Variants in SPATA9 observed in about 807,000 individuals in gnomAD.
SPATA9 encodes the protein spermatogenesis associated 9, also known as spermatogenesis-associated protein 9.
In SPATA9, 27 loss-of-function variants were observed where a neutral mutation model predicts 25.5. The observed-to-expected ratio is 1.06, with a 90% CI of 0.78 to 1.46. The LOEUF (loss-of-function observed/expected upper bound fraction) is 1.46, where lower values mean the gene tolerates loss of function less well. Among genes scored for constraint, SPATA9 ranks in the 40% most tolerant of loss-of-function variants. The pLI is 0.00. For missense variants in SPATA9, 282 were observed against 297.5 expected (o/e 0.95, Z 0.38); for synonymous variants, 102 against 105.7 (o/e 0.97, Z 0.21).
upstream of SPATA9, among the ~76,000 whole-genome samples, chr5:95,698,984 G>A (rs941595680): frequency 3.3e-5 from 5 of 152,162 alleles, no homozygotes; most frequent in Admixed American, 1.3e-4. Flanking sequence ...AGCACTATGA[G>A]CTGGAACAAA....
the SPATA9 span, among the ~76,000 whole-genome samples, chr5:95,720,514 C>G: frequency 6.6e-6 from 1 of 152,258 alleles, no homozygotes; most frequent in South Asian, 2.1e-4. Context: ...TAATAGTGTA[C>G]AATTTGTGCC....
intron 3 of SPATA9, among the ~76,000 whole-genome samples, chr5:95,666,586 TAGAG>T (rs1387414590): frequency 1.3e-5 from 2 of 152,150 alleles, no homozygotes; most frequent in Non-Finnish European, 2.9e-5. Flanking sequence ...GTAATAATAA[TAGAG>T]AAAGATCAAG....
At chr5:95,694,940 A>C (rs1753978510) in intron 1 of SPATA9, among the ~76,000 whole-genome samples, 1 of 152,212 alleles carries the variant, frequency 6.6e-6, no homozygotes, top group Non-Finnish European at 1.5e-5. Flanking sequence ...AAATCATAAT[A>C]TAATAAAATC....
downstream of SPATA9, chr5:95,656,078 C>G (rs1315863024): frequency 6.2e-7 from 1 of 1,613,462 alleles, no homozygotes; most frequent in Non-Finnish European, 8.5e-7. Flanking sequence ...TAGTTTGCCC[C>G]TGGCATAAAT....
Position 95,682,962 on chromosome 5 carries a change from A to T in SPATA9, c.-108T>A. On this transcript the variant is annotated 5_prime_UTR_variant, in exon 1 of 5. Transcript: ENST00000274432. The stretch of plus-strand genomic sequence containing the variant: ...ATGAGGGTAGCCTTCCACTTGGGAA[A>T]GCCAGCAAGGACAGAACTCACAGCT... 7.2e-7 allele frequency: 1 copy of T among 1,391,968 alleles called. No homozygotes were observed. The highest frequency in any genetic ancestry group is 9.3e-7 in the Non-Finnish European group (1 of 1,069,722). The allele number at this position is 1,391,968 out of a possible 1,614,324, so 86.2% of individuals were successfully genotyped here. A position where few individuals can be genotyped will look rare whatever the true frequency, so the allele number is the denominator to read the frequency against.
chr5:95,658,574 T>C lies in SPATA9; in HGVS notation c.*49A>G. On this transcript the variant is annotated 3_prime_UTR_variant, in exon 5 of 5. Coordinates refer to ENST00000274432, the MANE Select transcript of SPATA9 (RefSeq NM_031952.4). Reference sequence around the variant, plus strand: ...AGACTCTGAGTTTTGTCAGATGAAATGTGCCATTAAATAGATAACTCTTAA... The same window carrying C: ...AGACTCTGAGTTTTGTCAGATGAAACGTGCCATTAAATAGATAACTCTTAA... 6.5e-7 allele frequency: 1 copy of C among 1,543,530 alleles called. No individual in the cohort carries two copies. Among genetic ancestry groups the C allele is most frequent in the Non-Finnish European group, 8.7e-7 (1 of 1,148,436 alleles).
At chr5:95,713,988 C>G in the SPATA9 span, among the ~76,000 whole-genome samples, 1 of 151,998 alleles carries the variant, frequency 6.6e-6, no homozygotes, top group African/African-American at 2.4e-5. Flanking sequence ...TTTAAAGTCT[C>G]TTGGGACTTC....
At chr5:95,654,863 G>T (rs1750637946), downstream of SPATA9, among the ~76,000 whole-genome samples, 1 of 151,332 alleles carries the variant, frequency 6.6e-6, no homozygotes, top group Admixed American at 6.6e-5. Context: ...TATACACTGT[G>T]CATAATTTGA....
chr5:95,698,129 T>C (rs971034361), intron 1 of SPATA9, among the ~76,000 whole-genome samples: 3 of 152,212 alleles, frequency 2.0e-5, no homozygotes, highest in Non-Finnish European at 4.4e-5. Context: ...ATAGAGTGCT[T>C]GGGACTTTCA....
At chr5:95,668,679 T>C (rs968371673) in intron 3 of SPATA9, among the ~76,000 whole-genome samples, 3 of 152,236 alleles carry the variant, frequency 2.0e-5, no homozygotes, top group Admixed American at 2.0e-4. Context: ...AATTTGGTTA[T>C]GTAAAACATG....
the SPATA9 span, among the ~76,000 whole-genome samples, chr5:95,718,472 C>T: frequency 6.6e-6 from 1 of 152,106 alleles, no homozygotes; most frequent in Non-Finnish European, 1.5e-5. Flanking sequence ...AGGGAAGTTC[C>T]CCAGCTGATG....
intron 3 of SPATA9, among the ~76,000 whole-genome samples, chr5:95,671,764 A>G (rs1752402161): frequency 6.6e-6 from 1 of 152,180 alleles, no homozygotes; most frequent in South Asian, 2.1e-4. Context: ...AATAAATTTA[A>G]TCATCTTAAA....
chr5:95,726,337 T>G, the SPATA9 span, among the ~76,000 whole-genome samples: 1 of 152,246 alleles, frequency 6.6e-6, no homozygotes, highest in Admixed American at 6.5e-5. Context: ...CAGAAGAGAC[T>G]TTGTAGCATT....
At position 95,676,574 on chromosome 5, in the gene SPATA9, T is replaced by C. The variant is rs560724481; in HGVS notation, c.151-935A>G. On this transcript the variant is annotated intron_variant, in intron 2 of 4. Coordinates refer to ENST00000274432, the MANE Select transcript of SPATA9 (RefSeq NM_031952.4). ...CTCTTCTATATCTGTCAAACTAGCC[T>C]GTCAGAAAATCTTACTAAATTCTTT... Among the ~76,000 whole-genome samples the C allele has an allele frequency of 1.1e-4, 17 of 152,338 alleles. 1 individual carries two copies. In the South Asian group the frequency reaches 3.3e-3, roughly 30 times the overall value.
At chr5:95,691,651 T>C (rs962691612) in intron 1 of SPATA9, among the ~76,000 whole-genome samples, 6 of 152,180 alleles carry the variant, frequency 3.9e-5, no homozygotes, top group Non-Finnish European at 5.9e-5. Flanking sequence ...ACAAAAGATA[T>C]TTTTATCTCT....
chr5:95,656,175 G>T (rs753794008), downstream of SPATA9: 1 of 1,613,974 alleles, frequency 6.2e-7, no homozygotes, highest in Admixed American at 1.7e-5. Context: ...GTGCTCCAAA[G>T]GAATAAAGCA....
downstream of SPATA9, chr5:95,652,883 A>G (rs934804098): frequency 2.8e-5 from 14 of 504,294 alleles, no homozygotes; most frequent in Admixed American, 2.0e-4. Context: ...TTGTTTTGCT[A>G]TAATCCATTC....
At chr5:95,674,111 C>T (rs1172833006) in intron 3 of SPATA9, among the ~76,000 whole-genome samples, 1 of 152,176 alleles carries the variant, frequency 6.6e-6, no homozygotes, top group Non-Finnish European at 1.5e-5. Context: ...CAAACACAAA[C>T]CATTTTTTAC....
At position 95,675,112 on chromosome 5, in the gene SPATA9, CAAT is replaced by C. The variant is rs551447596; in HGVS notation, c.378+297_378+299del. Among the ~76,000 whole-genome samples, 4 of 152,186 alleles carry C rather than the reference CAAT, an allele frequency of 2.6e-5. No homozygotes were observed. In the East Asian group the frequency reaches 7.7e-4, roughly 29 times the overall value. Reference sequence around the variant, plus strand: ...GTTATGAGGAAAAAGGAACAAAACACAATAATTTTTAAGGCTAGTTGTAAGATT... The same window carrying C: ...GTTATGAGGAAAAAGGAACAAAACACAATTTTTAAGGCTAGTTGTAAGATT... On this transcript the variant is annotated intron_variant, in intron 3 of 4. Coordinates refer to ENST00000274432, the MANE Select transcript of SPATA9 (RefSeq NM_031952.4).
Sources: gnomAD v4.1 joint callset for allele counts (sites outside exome capture counted in the v4.1 genomes callset) on GRCh38, gnomAD v4.1.1 for gene constraint, MANE v1.5 for transcripts, NCBI Gene and HGNC (gene_info 2026-07-23, HGNC 2026-07-21) for gene names.